The following MACROD2 variants were observed in gnomAD, a reference collection of about 807,000 sequenced individuals.
The protein encoded by MACROD2 is mono-ADP ribosylhydrolase 2, also known as ADP-ribose glycohydrolase MACROD2.
Under a neutral mutation model 70.4 loss-of-function variants are expected in MACROD2, and 36 were observed. The observed-to-expected ratio is 0.51, with a 90% CI of 0.39 to 0.68. MACROD2 has a LOEUF of 0.68. Ranked by LOEUF, MACROD2 falls within the 30% of genes least tolerant of loss-of-function variation. The pLI is 0.00. For synonymous variants in MACROD2, 172 were observed against 178.8 expected, an observed-to-expected ratio of 0.96 and a Z score of 0.30; for missense variants, 496 against 538.4, an observed-to-expected ratio of 0.92 and a Z score of 0.78.
chr20:14,528,061 A>G (rs1330416628), intron 4 of MACROD2, among the ~76,000 whole-genome samples: 3 of 152,128 alleles, frequency 2.0e-5, no homozygotes, highest in Non-Finnish European at 2.9e-5. Flanking sequence ...ATCTTATTTT[A>G]ATCTCAATAT....
chr20:14,662,225 T>G (rs994361612), intron 4 of MACROD2, among the ~76,000 whole-genome samples: 1 of 151,934 alleles, frequency 6.6e-6, no homozygotes, highest in Non-Finnish European at 1.5e-5. Context: ...AACCTGACAA[T>G]AACACACAGT....
intron 5 of MACROD2, among the ~76,000 whole-genome samples, chr20:14,949,746 A>G (rs1401992093): frequency 1.3e-5 from 2 of 152,138 alleles, no homozygotes; most frequent in East Asian, 1.9e-4. Context: ...AGATGTTTAT[A>G]TTTTAATTTT....
chr20:15,957,266 T>A (rs1424283658), intron 12 of MACROD2, among the ~76,000 whole-genome samples: 2 of 152,202 alleles, frequency 1.3e-5, no homozygotes, highest in Non-Finnish European at 2.9e-5. Flanking sequence ...CACTTAAGAA[T>A]TTTGTACTTT....
At chr20:15,735,029 C>T (rs1204593321) in intron 8 of MACROD2, among the ~76,000 whole-genome samples, 3 of 152,088 alleles carry the variant, frequency 2.0e-5, no homozygotes, top group East Asian at 1.9e-4. Flanking sequence ...GGTGCGATCT[C>T]GGTTCACTGC....
chr20:15,743,615 C>T (rs2146968384), intron 8 of MACROD2, among the ~76,000 whole-genome samples: 1 of 152,236 alleles, frequency 6.6e-6, no homozygotes, highest in South Asian at 2.1e-4. Context: ...TTTTTGATCC[C>T]TGAAAAATCT....
At chr20:15,736,188 G>A (rs2146957863) in intron 8 of MACROD2, among the ~76,000 whole-genome samples, 1 of 152,304 alleles carries the variant, frequency 6.6e-6, no homozygotes, top group Admixed American at 6.5e-5. Context: ...GTACCTGTTG[G>A]TTTCTCATTC....
intron 5 of MACROD2, among the ~76,000 whole-genome samples, chr20:15,027,697 ACTCT>A (rs1345724752): frequency 6.9e-6 from 1 of 145,672 alleles, no homozygotes; most frequent in African/African-American, 2.6e-5. Context: ...CAAGAGTAGG[ACTCT>A]CTAATTAAAA....
intron 5 of MACROD2, among the ~76,000 whole-genome samples, chr20:15,189,141 C>T (rs1287622184): frequency 6.6e-6 from 1 of 151,982 alleles, no homozygotes; most frequent in African/African-American, 2.4e-5. Context: ...TTTATCATGC[C>T]ACCTTTTTCA....
chr20:15,440,710 A>G (rs1303182051), intron 7 of MACROD2, among the ~76,000 whole-genome samples: 2 of 152,194 alleles, frequency 1.3e-5, no homozygotes, highest in Non-Finnish European at 2.9e-5. Context: ...AGAGGAAGGA[A>G]GAGTTCTCTT....
At chr20:14,850,113 TA>T in intron 5 of MACROD2, 1 of 415,428 alleles carries the variant, frequency 2.4e-6, no homozygotes, top group Non-Finnish European at 4.7e-6. Context: ...AGCCATAGTT[TA>T]AAAGTTTGAA....
intron 3 of MACROD2, among the ~76,000 whole-genome samples, chr20:14,108,435 C>T (rs1402917860): frequency 1.4e-5 from 2 of 148,098 alleles, no homozygotes; most frequent in Non-Finnish European, 3.0e-5. Context: ...TGTAAATGGA[C>T]TTAAGTCTCC....
In MACROD2 at chr20:15,708,511, G is replaced by A. The variant is rs139214366; in HGVS notation, c.646-154234G>A. On this transcript the variant is annotated intron_variant, in intron 8 of 17. Coordinates refer to ENST00000684519, the MANE Select transcript of MACROD2 (RefSeq NM_001351661.2). ...GAAACAGCAAGGAAGTCAGGGAGGC[G>A]GAAACAGAGCAAGTGAGGAGAAGAT... 3.2e-3 allele frequency among the ~76,000 whole-genome samples: 493 copies of A among 152,222 alleles called. 1 individual carries two copies. Among genetic ancestry groups the A allele is most frequent in the Middle Eastern group, 0.014 (4 of 294 alleles).
At chr20:16,034,341 T>C (rs1341196837) in intron 15 of MACROD2, among the ~76,000 whole-genome samples, 6 of 152,016 alleles carry the variant, frequency 3.9e-5, no homozygotes. Flanking sequence ...TTATTCCTCA[T>C]TAAATTGGTC....
chr20:15,554,795 C>T lies in MACROD2; in HGVS notation c.645+54948C>T, dbSNP rs146859304. On this transcript the variant is annotated intron_variant, in intron 8 of 17. Coordinates refer to ENST00000684519, the MANE Select transcript of MACROD2 (RefSeq NM_001351661.2). Reference sequence around the variant, plus strand: ...GGAGGGCATGAGTTTAAATTCTGAACGCTGAATAAAAATGTCCTAAAATAC... The same window carrying T: ...GGAGGGCATGAGTTTAAATTCTGAATGCTGAATAAAAATGTCCTAAAATAC... Among the ~76,000 whole-genome samples, 22 of 152,148 alleles carry T rather than the reference C, an allele frequency of 1.4e-4. No individual in the cohort carries two copies. In the East Asian group the frequency reaches 2.9e-3, roughly 20 times the overall value.
chr20:14,005,665 C>T lies in MACROD2; in HGVS notation c.163+3261C>T, dbSNP rs149267990. On this transcript the variant is annotated intron_variant, in intron 2 of 17. Coordinates refer to ENST00000684519, the MANE Select transcript of MACROD2 (RefSeq NM_001351661.2). ...TGCCCCGGGCTGGAGTGCAGTGGCGCGATGTGGGCTCACTACAACCTCCAC... is the reference window on the plus strand; with the variant it reads ...TGCCCCGGGCTGGAGTGCAGTGGCGTGATGTGGGCTCACTACAACCTCCAC... Among the ~76,000 whole-genome samples the T allele has an allele frequency of 1.7e-3, 252 of 151,842 alleles. 1 individual carries two copies. Among genetic ancestry groups the T allele is most frequent in the East Asian group, 5.2e-3 (27 of 5,146 alleles).
intron 3 of MACROD2, among the ~76,000 whole-genome samples, chr20:14,280,861 A>G (rs1601431066): frequency 6.6e-6 from 1 of 152,228 alleles, no homozygotes. Flanking sequence ...GTTTTATAAA[A>G]GCTAAAAGTT....
At chr20:15,502,983 CTTTCACTCACA>C (rs1373696621) in intron 8 of MACROD2, among the ~76,000 whole-genome samples, 1 of 152,160 alleles carries the variant, frequency 6.6e-6, no homozygotes, top group Admixed American at 6.5e-5. Context: ...ATGTATATAA[CTTTCACTCACA>C]TTTCATTGTC....
At chr20:14,727,484 A>G (rs1257715800) in intron 5 of MACROD2, among the ~76,000 whole-genome samples, 1 of 151,972 alleles carries the variant, frequency 6.6e-6, no homozygotes, top group Admixed American at 6.6e-5. Context: ...GCAGTGAGCC[A>G]TGATTACTCC....
chr20:14,539,144 C>T (rs564006413), intron 4 of MACROD2, among the ~76,000 whole-genome samples: 1 of 152,250 alleles, frequency 6.6e-6, no homozygotes, highest in Admixed American at 6.5e-5. Context: ...TTTCTCTGTC[C>T]AGCTTATGTG....
Sources: gnomAD v4.1 joint callset for allele counts (sites outside exome capture counted in the v4.1 genomes callset) on GRCh38, gnomAD v4.1.1 for gene constraint, MANE v1.5 for transcripts, NCBI Gene and HGNC (gene_info 2026-07-23, HGNC 2026-07-21) for gene names.